Variants in PHC3 observed in about 807,000 individuals in gnomAD.
PHC3 encodes the protein polyhomeotic homolog 3.
A neutral mutation model predicts 107.4 loss-of-function variants in PHC3; 13 were observed. The ratio of observed to expected loss-of-function variants is 0.12; its 90% CI spans 0.08 to 0.19. The LOEUF is 0.19. Among genes scored for constraint, PHC3 ranks in the 10% least tolerant of loss-of-function variants. PHC3 has a pLI of 1.00. For synonymous variants in PHC3, 456 were observed against 427.4 expected, an observed-to-expected ratio of 1.07 and a Z score of -0.83; for missense variants, 992 against 1,210.9, an observed-to-expected ratio of 0.82 and a Z score of 2.68.
At chr3:170,176,948 TCAAA>T in intron 2 of PHC3, 1 of 453,770 alleles carries the variant, frequency 2.2e-6, no homozygotes, top group Non-Finnish European at 4.4e-6. Context: ...AAAATGGAAT[TCAAA>T]CAAAGTATAA....
At chr3:170,177,340 T>A (rs896586555) in intron 2 of PHC3, among the ~76,000 whole-genome samples, 7 of 152,150 alleles carry the variant, frequency 4.6e-5, no homozygotes, top group Non-Finnish European at 1.0e-4. Context: ...ATAAACTACA[T>A]GCTGACAAAT....
chr3:170,123,356 T>TACACACACACAC (rs3980601), intron 8 of PHC3, among the ~76,000 whole-genome samples: 58,870 of 149,678 alleles, frequency 0.39, 11,680 homozygotes, highest in African/African-American at 0.48. Context: ...TTGAAATGCA[T>TACACACACACAC]ACACACACAC....
chr3:170,160,376 C>T (rs1727691881), intron 4 of PHC3, among the ~76,000 whole-genome samples: 3 of 152,202 alleles, frequency 2.0e-5, no homozygotes, highest in African/African-American at 7.2e-5. Context: ...ATATTATTTA[C>T]TGTTTGATAT....
chr3:170,099,075 G>C (rs907851253), intron 14 of PHC3, among the ~76,000 whole-genome samples: 1 of 152,102 alleles, frequency 6.6e-6, no homozygotes, highest in Non-Finnish European at 1.5e-5. Context: ...GAGAAAGATA[G>C]GGTGGGACTT....
intron 4 of PHC3, among the ~76,000 whole-genome samples, chr3:170,156,351 G>C (rs975911443): frequency 6.6e-6 from 1 of 152,110 alleles, no homozygotes; most frequent in African/African-American, 2.4e-5. Flanking sequence ...CCGCCTCCTG[G>C]GTTCAAGTGC....
chr3:170,174,155 T>C (rs1022622041), intron 2 of PHC3, among the ~76,000 whole-genome samples: 1 of 151,648 alleles, frequency 6.6e-6, no homozygotes. Flanking sequence ...ATCATGCCAC[T>C]GCACTCCAGC....
At chr3:170,167,201 T>G (rs1204277066) in intron 4 of PHC3, among the ~76,000 whole-genome samples, 1 of 151,966 alleles carries the variant, frequency 6.6e-6, no homozygotes, top group Admixed American at 6.6e-5. Context: ...CAGGCTGGAG[T>G]GCAATGGTAT....
At chr3:170,180,126 C>T (rs1227450014) in intron 1 of PHC3, among the ~76,000 whole-genome samples, 3 of 148,686 alleles carry the variant, frequency 2.0e-5, no homozygotes, top group Non-Finnish European at 4.4e-5. Context: ...CTCTGAGGAA[C>T]CAAATGTAAA....
At chr3:170,108,558 T>C (rs1717009345) in intron 11 of PHC3, among the ~76,000 whole-genome samples, 1 of 152,102 alleles carries the variant, frequency 6.6e-6, no homozygotes, top group Non-Finnish European at 1.5e-5. Flanking sequence ...GAAGAAACAG[T>C]CTCAAAACAA....
Position 170,097,078 on chromosome 3 carries a change from G to A in PHC3, c.*152C>T. Reference sequence around the variant, plus strand: ...AAATGCATGATGAATTATTATACCTGTAGAAGAAATGTCAGTATTTGATGT... The same window carrying A: ...AAATGCATGATGAATTATTATACCTATAGAAGAAATGTCAGTATTTGATGT... On this transcript the variant is annotated 3_prime_UTR_variant, in exon 15 of 15. Coordinates refer to ENST00000495893, the MANE Select transcript of PHC3 (RefSeq NM_024947.4). The surrounding 1 kb of genome is among the most constrained non-coding windows in gnomAD (Gnocchi z 4.1). 1 of 596,214 alleles carries A rather than the reference G, an allele frequency of 1.7e-6. No homozygotes were observed. Among genetic ancestry groups the A allele is most frequent in the Non-Finnish European group, 2.7e-6 (1 of 364,166 alleles). The allele number at this position is 596,214 out of a possible 1,614,324, so 36.9% of individuals were successfully genotyped here. A position where few individuals can be genotyped will look rare whatever the true frequency, so the allele number is the denominator to read the frequency against.
rs199840381 is a variant in PHC3 at position 170,172,683 on chromosome 3, G to A, written c.210C>T (p.Pro70=). ...QVIQQALHRP[P]SSAAQYLQQM... is the part of the protein sequence containing the mutation. ...GCTGAAGGTACTGAGCAGCTGAGCT[G>A]GGGGGCCGATGCAATGCCTGTTGAA... Residue 70 remains proline, a synonymous_variant, in exon 3 of 15, where the codon CCC becomes CCT. Transcript: ENST00000495893. 33 of 1,609,610 alleles carry A rather than the reference G, an allele frequency of 2.1e-5. No homozygotes were observed. The highest frequency in any genetic ancestry group is 2.5e-5 in the Non-Finnish European group (29 of 1,176,834).
chr3:170,120,520 C>T (rs915135566), intron 9 of PHC3, among the ~76,000 whole-genome samples: 5 of 151,854 alleles, frequency 3.3e-5, no homozygotes, highest in Non-Finnish European at 7.4e-5. Context: ...TTGCAGTGAG[C>T]CGAGATCATG....
chr3:170,133,607 G>A (rs999403755), intron 7 of PHC3, among the ~76,000 whole-genome samples: 4 of 152,194 alleles, frequency 2.6e-5, no homozygotes, highest in African/African-American at 9.7e-5. Flanking sequence ...AGTAGTTCAG[G>A]ATTTTCTGCG....
chr3:170,123,807 G>T (rs1720825355), intron 8 of PHC3, among the ~76,000 whole-genome samples: 1 of 151,660 alleles, frequency 6.6e-6, no homozygotes, highest in African/African-American at 2.4e-5. Context: ...AAAAGAAAAA[G>T]GAAAATGGAA....
rs1450129702 is a variant in PHC3 at position 170,088,371 on chromosome 3, A to G, written c.*8859T>C. 1 of 152,232 alleles carries G rather than the reference A, an allele frequency of 6.6e-6. No homozygotes were observed. Among genetic ancestry groups the G allele is most frequent in the Middle Eastern group, 3.2e-3 (1 of 316 alleles). 9.4% of individuals were successfully genotyped at this position (152,232 alleles called of 1,614,324 possible). On this transcript the variant is annotated 3_prime_UTR_variant, in exon 15 of 15. Coordinates refer to ENST00000495893, the MANE Select transcript of PHC3 (RefSeq NM_024947.4). Reference sequence around the variant, plus strand: ...CTTTGCTAAAATTAACAAAATTTTAATAAGCAAGACGACAAAAAGTACTAA... The same window carrying G: ...CTTTGCTAAAATTAACAAAATTTTAGTAAGCAAGACGACAAAAAGTACTAA...
At chr3:170,153,573 A>G (rs1189002765) in intron 4 of PHC3, among the ~76,000 whole-genome samples, 1 of 151,850 alleles carries the variant, frequency 6.6e-6, no homozygotes, top group Non-Finnish European at 1.5e-5. Flanking sequence ...ACCATCCTGG[A>G]TAACACGGTG....
At chr3:170,175,795 G>A (rs1399152814) in intron 2 of PHC3, among the ~76,000 whole-genome samples, 2 of 151,674 alleles carry the variant, frequency 1.3e-5, no homozygotes, top group South Asian at 2.1e-4. Flanking sequence ...GTGGTGGCAC[G>A]TGCCTGTAGT....
chr3:170,102,751 C>A, intron 13 of PHC3, 41 bp from the exon 14 acceptor site: 1 of 1,613,168 alleles, frequency 6.2e-7, no homozygotes, highest in Non-Finnish European at 8.5e-7. Context: ...ATTGCACTTT[C>A]CTTGCATTTC....
intron 6 of PHC3, among the ~76,000 whole-genome samples, chr3:170,139,696 C>T (rs1302907432): frequency 6.6e-6 from 1 of 152,084 alleles, no homozygotes; most frequent in Non-Finnish European, 1.5e-5. Flanking sequence ...GTTAAAATAT[C>T]TATGATCATT....
Sources: allele counts gnomAD v4.1 joint callset (sites outside exome capture counted in the v4.1 genomes callset), GRCh38; gene constraint gnomAD v4.1.1; non-coding constraint Gnocchi (gnomAD v3.1); transcripts MANE v1.5; gene names NCBI Gene and HGNC (gene_info 2026-07-23, HGNC 2026-07-21).